The following SLC24A2 variants were observed in gnomAD, a reference collection of about 807,000 sequenced individuals.
SLC24A2 encodes the protein sodium/potassium/calcium exchanger 2.
SLC24A2 carries 36 observed loss-of-function variants against 62.0 expected under a neutral mutation model. The observed-to-expected ratio is 0.58, with a 90% confidence interval of 0.44 to 0.77. The LOEUF (loss-of-function observed/expected upper bound fraction) is 0.77, where lower values mean the gene tolerates loss of function less well. Among genes scored for constraint, SLC24A2 ranks in the 30% least tolerant of loss-of-function variants. The pLI is 0.00. For synonymous variants in SLC24A2, 358 were observed against 294.0 expected (o/e 1.22, Z -2.23); for missense variants, 846 against 817.9 (o/e 1.03, Z -0.42).
At chr9:20,238,661 G>A in the SLC24A2 span, among the ~76,000 whole-genome samples, 3 of 152,158 alleles carry the variant, frequency 2.0e-5, no homozygotes, top group Admixed American at 6.5e-5. Context: ...CACTGTGAGG[G>A]GCCTTGTTTG....
chr9:19,880,917 T>G, the SLC24A2 span, among the ~76,000 whole-genome samples: 1 of 152,194 alleles, frequency 6.6e-6, no homozygotes, highest in Non-Finnish European at 1.5e-5. Context: ...AAGCAGCTAC[T>G]CTGGAGCCAG....
chr9:19,566,254 C>T (rs960971988), intron 7 of SLC24A2, among the ~76,000 whole-genome samples: 23 of 148,980 alleles, frequency 1.5e-4, no homozygotes, highest in African/African-American at 5.4e-4. Context: ...ACAATGAACT[C>T]AAACAAATTT....
chr9:19,734,590 G>A (rs1225189456), intron 2 of SLC24A2, among the ~76,000 whole-genome samples: 2 of 152,146 alleles, frequency 1.3e-5, no homozygotes, highest in African/African-American at 4.8e-5. Context: ...TCTCCTTGAA[G>A]AGGTCCTTCA....
chr9:19,784,234 C>T (rs981242240), intron 2 of SLC24A2, among the ~76,000 whole-genome samples: 10 of 152,140 alleles, frequency 6.6e-5, no homozygotes, highest in East Asian at 1.9e-4. Flanking sequence ...ATTTCTAAAA[C>T]GCATGAAAGC....
chr9:19,567,108 T>TA (rs199952015), intron 7 of SLC24A2, among the ~76,000 whole-genome samples: 64 of 121,634 alleles, frequency 5.3e-4, no homozygotes, highest in Non-Finnish European at 9.9e-4. Context: ...TAAAGTATAA[T>TA]AAAAAAAATA....
rs1024195965 is a variant in SLC24A2, at chr9:19,777,741, G to A, written c.930+8196C>T. On this transcript the variant is annotated intron_variant, in intron 2 of 10. Transcript: ENST00000341998. ...TGTACATATGCATGTGTATATGTAT[G>A]TGTATATGAGAAGTTCAGAAGAATG... Among the ~76,000 whole-genome samples, 3 of 152,080 alleles carry A rather than the reference G, an allele frequency of 2.0e-5. No individual in the cohort carries two copies. In the South Asian group the frequency reaches 6.2e-4, roughly 32 times the overall value.
the SLC24A2 span, among the ~76,000 whole-genome samples, chr9:19,811,125 A>C: frequency 6.6e-6 from 1 of 152,114 alleles, no homozygotes; most frequent in East Asian, 1.9e-4. Context: ...ATGAGGGGGA[A>C]CCCTCATGAA....
chr9:19,716,525 A>T (rs748531737), intron 2 of SLC24A2, among the ~76,000 whole-genome samples: 16 of 152,174 alleles, frequency 1.1e-4, no homozygotes, highest in Non-Finnish European at 2.2e-4. Flanking sequence ...ATCCCAGGGG[A>T]GATCTGATTT....
chr9:20,156,741 A>C, the SLC24A2 span, among the ~76,000 whole-genome samples: 1 of 151,780 alleles, frequency 6.6e-6, no homozygotes. Flanking sequence ...CAATGTCTAG[A>C]GTTTATCTGT....
At chr9:19,565,413 G>T (rs7865054) in intron 7 of SLC24A2, among the ~76,000 whole-genome samples, 2 of 150,490 alleles carry the variant, frequency 1.3e-5, no homozygotes, top group African/African-American at 4.9e-5. Context: ...TACAAGGGAT[G>T]TGAAGGACCT....
the SLC24A2 span, among the ~76,000 whole-genome samples, chr9:20,004,785 C>T: frequency 6.6e-6 from 1 of 151,018 alleles, no homozygotes; most frequent in East Asian, 1.9e-4. Flanking sequence ...ATGAAGCATG[C>T]CCAACAATGT....
At chr9:19,904,471 T>C in the SLC24A2 span, among the ~76,000 whole-genome samples, 1 of 152,208 alleles carries the variant, frequency 6.6e-6, no homozygotes, top group African/African-American at 2.4e-5. Context: ...CCAAGTTTAC[T>C]AGATTGGACA....
rs767269557 is a variant in SLC24A2, at chr9:19,786,543, C to T, written c.324G>A (p.Glu108=). The change falls in exon 2 of 11, where the codon GAG becomes GAA. Residue 108 remains glutamate (E), a synonymous_variant. Coordinates refer to ENST00000341998, the MANE Select transcript of SLC24A2 (RefSeq NM_020344.4). This position sits in a 1 kb window ranked among gnomAD's most constrained non-coding sequence, Gnocchi z 5.0. ...TPQPPLSKEG[E]SENSTDHAQG... Reference sequence around the variant, plus strand: ...GGGCGTGATCTGTACTATTCTCAGACTCGCCTTCCTTAGAAAGAGGTGGCT... The same window carrying T: ...GGGCGTGATCTGTACTATTCTCAGATTCGCCTTCCTTAGAAAGAGGTGGCT... The T allele has an allele frequency of 6.2e-7, 1 of 1,614,194 alleles. No individual in the cohort carries two copies.
At chr9:19,743,623 T>C (rs941470227) in intron 2 of SLC24A2, among the ~76,000 whole-genome samples, 3 of 152,168 alleles carry the variant, frequency 2.0e-5, no homozygotes, top group Non-Finnish European at 2.9e-5. Flanking sequence ...CATTCTATAA[T>C]ATGTTCTTGT....
the SLC24A2 span, among the ~76,000 whole-genome samples, chr9:19,898,447 T>A: frequency 1.3e-5 from 2 of 152,076 alleles, no homozygotes; most frequent in African/African-American, 4.8e-5. Context: ...GAGAATCCAA[T>A]GAGATAAAGA....
At chr9:20,304,332 G>A in the SLC24A2 span, among the ~76,000 whole-genome samples, 42 of 152,282 alleles carry the variant, frequency 2.8e-4, no homozygotes, top group African/African-American at 9.4e-4. Flanking sequence ...AGCACAGAGG[G>A]AAACTGACCA....
chr9:19,584,821 A>G (rs1836320333), intron 5 of SLC24A2, among the ~76,000 whole-genome samples: 1 of 152,080 alleles, frequency 6.6e-6, no homozygotes, highest in Admixed American at 6.6e-5. Flanking sequence ...CCTCTAAATT[A>G]TTTTTTTCTA....
chr9:19,583,099 A>T (rs1210683415), intron 5 of SLC24A2, among the ~76,000 whole-genome samples: 1 of 152,146 alleles, frequency 6.6e-6, no homozygotes, highest in African/African-American at 2.4e-5. Flanking sequence ...TCAAAGTGAA[A>T]GCCAAAGTCT....
At chr9:19,773,011 C>A (rs1462894312) in intron 2 of SLC24A2, among the ~76,000 whole-genome samples, 1 of 152,138 alleles carries the variant, frequency 6.6e-6, no homozygotes, top group Non-Finnish European at 1.5e-5. Context: ...AAAAAGGTTA[C>A]AACATGGACG....
Sources: gnomAD v4.1 joint callset for allele counts (sites outside exome capture counted in the v4.1 genomes callset) on GRCh38, gnomAD v4.1.1 for gene constraint, Gnocchi (gnomAD v3.1) non-coding constraint, MANE v1.5 for transcripts, NCBI Gene and HGNC (gene_info 2026-07-23, HGNC 2026-07-21) for gene names.